The following GCC2 variants were observed in gnomAD, a reference collection of about 807,000 sequenced individuals.
GCC2 encodes the protein GRIP and coiled-coil domain-containing protein 2.
GCC2 carries 120 observed loss-of-function variants against 210.6 expected under a neutral mutation model. The observed-to-expected ratio is 0.57, with a 90% CI of 0.49 to 0.66. The LOEUF is 0.66. Ranked by LOEUF, GCC2 falls within the 30% of genes least tolerant of loss-of-function variation. The pLI, the probability that GCC2 is intolerant of heterozygous loss-of-function variation, is 0.00. For missense variants in GCC2, 1,868 were observed against 1,871.9 expected (o/e 1.00, Z 0.04); for synonymous variants, 703 against 652.7 (o/e 1.08, Z -1.17).
intron 9 of GCC2, among the ~76,000 whole-genome samples, chr2:108,477,647 TG>T (rs1297140960): frequency 6.6e-6 from 1 of 152,246 alleles, no homozygotes; most frequent in East Asian, 1.9e-4. Flanking sequence ...AAATGTATTC[TG>T]GATGGATTAA....
chr2:108,449,564 G>A, intron 1 of GCC2, 69 bp from the exon 2 acceptor site: 2 of 1,446,630 alleles, frequency 1.4e-6, no homozygotes, highest in South Asian at 1.1e-5. Context: ...CCCTGTAAGG[G>A]TTCTACGCGT....
chr2:108,449,716 T>C (rs752439198), intron 2 of GCC2, 27 bp downstream of exon 2: 2 of 1,596,300 alleles, frequency 1.3e-6, no homozygotes, highest in East Asian at 2.2e-5. Context: ...AATAGCGGGC[T>C]TCCTGAAGAG....
chr2:108,482,806 A>G (rs1681937366), intron 11 of GCC2, among the ~76,000 whole-genome samples: 1 of 152,064 alleles, frequency 6.6e-6, no homozygotes, highest in Non-Finnish European at 1.5e-5. Context: ...CCTCCCGAGT[A>G]GCTGGGATTA....
In GCC2 at chr2:108,469,027, T is replaced by C; in HGVS notation, c.264T>C (p.Thr88=). Residue 88 remains threonine, a synonymous_variant, in exon 5 of 23, where the codon ACT becomes ACC. Transcript: ENST00000309863. ...CTCTTCTTCTGGAAAAAGCAGAGAC[T>C]GAGCAACAGTGTCTTTCTCTGAAAA... ...LDALLLEKAE[T]EQQCLSLKKE... 1 of 1,613,226 alleles carries C rather than the reference T, an allele frequency of 6.2e-7. No individual in the cohort carries two copies. Among genetic ancestry groups the C allele is most frequent in the Non-Finnish European group, 8.5e-7 (1 of 1,179,310 alleles).
intron 9 of GCC2, among the ~76,000 whole-genome samples, chr2:108,477,864 A>C (rs887604201): frequency 6.6e-6 from 1 of 152,126 alleles, no homozygotes; most frequent in Non-Finnish European, 1.5e-5. Flanking sequence ...TGGCCAACAC[A>C]GCGAAACCCT....
chr2:108,506,482 T>C (rs1683191550), intron 22 of GCC2, among the ~76,000 whole-genome samples: 1 of 152,162 alleles, frequency 6.6e-6, no homozygotes, highest in Non-Finnish European at 1.5e-5. Context: ...GGGAGAACTT[T>C]GAGGAGGTGA....
At chr2:108,454,330 C>T (rs1049864107) in intron 4 of GCC2, among the ~76,000 whole-genome samples, 10 of 152,332 alleles carry the variant, frequency 6.6e-5, no homozygotes, top group African/African-American at 2.4e-4. Flanking sequence ...TGGCTCCCCA[C>T]TTGTGAGCAG....
chr2:108,498,662 C>T (rs1325457150), intron 21 of GCC2, among the ~76,000 whole-genome samples: 1 of 152,168 alleles, frequency 6.6e-6, no homozygotes, highest in Non-Finnish European at 1.5e-5. Flanking sequence ...TGGAAATCTT[C>T]CTCAAAGACT....
chr2:108,470,718 G>A lies in GCC2; in HGVS notation c.1389G>A (p.Lys463=), dbSNP rs146700196. ...TAATGTTTGAAATACAGGGTCTTAA[G>A]GAACAGTGTGAAAACCTACAGCAAG... is the stretch of plus-strand genomic sequence containing the variant. ...LTLMFEIQGL[K]EQCENLQQEK... Residue 463 remains lysine (K), a synonymous_variant, in exon 6 of 23, where the codon AAG becomes AAA. Coordinates refer to ENST00000309863, the MANE Select transcript of GCC2 (RefSeq NM_181453.4). The A allele has an allele frequency of 1.9e-6, 3 of 1,612,500 alleles. No homozygotes were observed. The African/African-American group carries it at 4.0e-5, about 22-fold the overall frequency.
chr2:108,478,692 T>C (rs1269170385), intron 9 of GCC2, among the ~76,000 whole-genome samples: 1 of 152,206 alleles, frequency 6.6e-6, no homozygotes, highest in African/African-American at 2.4e-5. Context: ...GAGCCATTGT[T>C]TATTATGCCC....
intron 9 of GCC2, among the ~76,000 whole-genome samples, chr2:108,478,390 C>T (rs1296319496): frequency 3.3e-5 from 5 of 152,132 alleles, no homozygotes; most frequent in African/African-American, 4.8e-5. Flanking sequence ...CATGTACCTA[C>T]GCTCTATTAG....
Position 108,471,008 on chromosome 2 carries a change from C to G in GCC2, c.1679C>G (p.Thr560Ser). ...GAATTGGTACCAGAACTTGAAAATACCATAAAGAACCTTCAAGAAAAGAAT... is the reference window on the plus strand; with the variant it reads ...GAATTGGTACCAGAACTTGAAAATAGCATAAAGAACCTTCAAGAAAAGAAT... ...QQELVPELEN[T>S]IKNLQEKNGV... The change falls in exon 6 of 23, where the codon ACC (threonine) becomes AGC (serine). Residue 560 changes from threonine (T) to serine (S), a missense_variant. Physicochemically the swap from Thr to Ser is moderately conservative, Grantham distance 58. This residue lies in a region of GCC2 where 1,847 missense variants were observed against 1,765.2 expected (regional missense o/e 1.05). Coordinates refer to ENST00000309863, the MANE Select transcript of GCC2 (RefSeq NM_181453.4). The G allele has an allele frequency of 6.2e-7, 1 of 1,611,930 alleles. No individual in the cohort carries two copies. Among genetic ancestry groups the G allele is most frequent in the Non-Finnish European group, 8.5e-7 (1 of 1,178,640 alleles).
At chr2:108,462,375 T>C (rs1361263195) in intron 4 of GCC2, among the ~76,000 whole-genome samples, 1 of 143,640 alleles carries the variant, frequency 7.0e-6, no homozygotes, top group Non-Finnish European at 1.5e-5. Flanking sequence ...GCGCCTGTAG[T>C]CCCAGCTACT....
intron 4 of GCC2, among the ~76,000 whole-genome samples, chr2:108,458,057 T>C (rs78037163): frequency 0.075 from 11,377 of 152,286 alleles, 587 homozygotes; most frequent in Non-Finnish European, 0.11. Context: ...AATGTGAGTT[T>C]GTCATATGTG....
intron 22 of GCC2, among the ~76,000 whole-genome samples, chr2:108,503,965 A>G (rs960577063): frequency 8.4e-4 from 127 of 152,092 alleles, no homozygotes; most frequent in Non-Finnish European, 1.1e-3. Flanking sequence ...AAAATATCCC[A>G]GATCTGGTGG....
rs528559888 is a variant in GCC2 at position 108,475,935 on chromosome 2, A to G, written c.3060+85A>G. The G allele has an allele frequency of 6.4e-5, 44 of 690,320 alleles. No individual in the cohort carries two copies. In the East Asian group the frequency reaches 1.1e-3, roughly 17 times the overall value. The allele number at this position is 690,320 out of a possible 1,614,324, so 42.8% of individuals were successfully genotyped here. The stretch of plus-strand genomic sequence containing the variant: ...AGAAATGTAGTGGAAATGTAAAACT[A>G]TTGTCAACAAAACAATCACCTTGTA... On this transcript the variant is annotated intron_variant, in intron 9 of 22. Coordinates refer to ENST00000309863, the MANE Select transcript of GCC2 (RefSeq NM_181453.4).
At chr2:108,485,504 T>C in intron 13 of GCC2, 132 bp from the exon 14 acceptor site, 3 of 562,446 alleles carry the variant, frequency 5.3e-6, no homozygotes, top group Non-Finnish European at 9.6e-6. Flanking sequence ...TCACATATGT[T>C]TGAAGTATTC....
In GCC2 at chr2:108,469,740, G is replaced by C; in HGVS notation, c.411G>C (p.Glu137Asp). ...AAGAAATTGAAAATTTGAAAAATGA[G>C]TTGATGGCAGTACGTTCCAAATACA... ...YVKEIENLKNELMAVRSKYSE... is the reference protein window; with the variant it reads ...YVKEIENLKNDLMAVRSKYSE... The change falls in exon 6 of 23, where the codon GAG becomes GAC. Residue 137 changes from glutamate to aspartate, a missense_variant. Glu to Asp is a conservative substitution (Grantham distance 45, BLOSUM62 2). This residue lies in a region of GCC2 where 1,847 missense variants were observed against 1,765.2 expected (regional missense o/e 1.05). Transcript: ENST00000309863. 6.2e-7 allele frequency: 1 copy of C among 1,613,336 alleles called. No homozygotes were observed. The highest frequency in any genetic ancestry group is 8.5e-7 in the Non-Finnish European group (1 of 1,179,464).
At chr2:108,496,086 T>C (rs1483901106) in intron 20 of GCC2, 1 of 152,140 alleles carries the variant, frequency 6.6e-6, no homozygotes, top group African/African-American at 2.4e-5. Flanking sequence ...CAAATCTTTT[T>C]TAAAATAAAA....
Sources: gnomAD v4.1 joint callset for allele counts (sites outside exome capture counted in the v4.1 genomes callset) on GRCh38, gnomAD v4.1.1 for gene constraint, gnomAD v4.1.1 regional missense constraint, MANE v1.5 for transcripts, NCBI Gene and HGNC (gene_info 2026-07-23, HGNC 2026-07-21) for gene names.